Variants in ZNF831 observed in about 807,000 individuals in gnomAD.
ZNF831 encodes chromosome 20 open reading frame 174.
ZNF831 carries 59 observed loss-of-function variants against 95.8 expected under a neutral mutation model. The observed-to-expected ratio is 0.62, with a 90% CI of 0.50 to 0.77. The LOEUF (loss-of-function observed/expected upper bound fraction) is 0.77. ZNF831 is among the 30% of genes least tolerant of loss of function. The pLI is 0.00. For synonymous variants in ZNF831, 961 were observed against 925.5 expected (o/e 1.04, Z -0.70); for missense variants, 2,205 against 2,164.0 (o/e 1.02, Z -0.38).
chr20:59,132,979 C>T (rs1342923367), intron 1 of ZNF831, among the ~76,000 whole-genome samples: 7 of 151,964 alleles, frequency 4.6e-5, no homozygotes, highest in Admixed American at 1.3e-4. Context: ...GCATGACGTC[C>T]GTAGGATCAC....
In ZNF831 at chr20:59,131,340, T is replaced by G. The variant is rs149549349; in HGVS notation, c.-1425+7835T>G. The stretch of plus-strand genomic sequence containing the variant: ...ACTCCTAATAAAGGATTCCTACTAA[T>G]AGTCAGCTCCCGCACTAAAGCCAGG... On this transcript the variant is annotated intron_variant, in intron 1 of 7. Coordinates refer to the ZNF831 transcript ENST00000637017. Among the ~76,000 whole-genome samples the G allele has an allele frequency of 2.3e-4, 35 of 152,310 alleles. No homozygotes were observed. The South Asian group carries it at 4.8e-3, about 21-fold the overall frequency.
rs1289183394 is a variant in ZNF831, at chr20:59,192,391, G to A, written c.1372G>A (p.Ala458Thr). Residue 458 changes from alanine (A) to threonine (T), a missense_variant, in exon 2 of 6, where the codon GCG becomes ACG. Physicochemically the swap from Ala to Thr is moderately conservative, Grantham distance 58. Transcript: ENST00000371030. The surrounding 1 kb of genome is among the most constrained non-coding windows in gnomAD (Gnocchi z 5.2). Reference sequence around the variant, plus strand: ...GGACTCCTTCCACTTTGACATCCGCGCGCTGGAGCCAGGCCGTAGGAGGGC... The same window carrying A: ...GGACTCCTTCCACTTTGACATCCGCACGCTGGAGCCAGGCCGTAGGAGGGC... Reference protein sequence around the residue: ...YKDSFHFDIRALEPGRRRAPG... With the variant: ...YKDSFHFDIRTLEPGRRRAPG... 2 of 1,612,012 alleles carry A rather than the reference G, an allele frequency of 1.2e-6. No homozygotes were observed. Among genetic ancestry groups the A allele is most frequent in the Non-Finnish European group, 1.7e-6 (2 of 1,179,542 alleles).
chr20:59,216,985 A>C (rs947698529), intron 4 of ZNF831, among the ~76,000 whole-genome samples: 5 of 152,146 alleles, frequency 3.3e-5, no homozygotes, highest in Admixed American at 2.0e-4. Context: ...CTCCACCTAG[A>C]GGGGCAAAAA....
intron 2 of ZNF831, among the ~76,000 whole-genome samples, chr20:59,151,599 G>A (rs761608065): frequency 3.9e-5 from 6 of 152,198 alleles, no homozygotes; most frequent in Admixed American, 1.3e-4. Flanking sequence ...TCTGCAGGCC[G>A]GTCAGGTGAA....
intron 4 of ZNF831, among the ~76,000 whole-genome samples, chr20:59,216,837 G>A (rs1301147706): frequency 1.3e-5 from 2 of 151,892 alleles, no homozygotes; most frequent in African/African-American, 2.4e-5. Flanking sequence ...TCCCATTTAG[G>A]TTTTCTAAAG....
Position 59,191,752 on chromosome 20 carries a change from C to T in ZNF831, c.733C>T (p.Pro245Ser). 2 of 1,605,844 alleles carry T rather than the reference C, an allele frequency of 1.2e-6. No individual in the cohort carries two copies. The highest frequency in any genetic ancestry group is 1.7e-6 in the Non-Finnish European group (2 of 1,175,740). ...QGMHEGASER[P>S]LSPGAHVPLL... ...GATGCACGAAGGCGCCTCGGAGAGA[C>T]CCCTTTCTCCGGGTGCCCACGTGCC... Residue 245 changes from proline to serine, a missense_variant, in exon 2 of 6, where the codon CCC becomes TCC. Physicochemically the swap from Pro to Ser is moderately conservative, Grantham distance 74. Transcript: ENST00000371030.
At chr20:59,137,638 T>G (rs1442969751) in intron 1 of ZNF831, among the ~76,000 whole-genome samples, 2 of 152,248 alleles carry the variant, frequency 1.3e-5, no homozygotes, top group African/African-American at 4.8e-5. Flanking sequence ...ACCTGCAGTT[T>G]TTAACCTTTG....
rs375281860 is a variant in ZNF831, at chr20:59,192,997, C to T, written c.1978C>T (p.Leu660=). The change falls in exon 2 of 6, where the codon CTG becomes TTG. Residue 660 remains leucine (L), a synonymous_variant. Coordinates refer to ENST00000371030, the MANE Select transcript of ZNF831 (RefSeq NM_178457.3). The surrounding 1 kb of genome is among the most constrained non-coding windows in gnomAD (Gnocchi z 5.2). ...MGSGAELGFP[L]QKEAAGSSGT... ...CAGTGGGGCAGAACTGGGCTTTCCT[C>T]TGCAGAAAGAGGCAGCAGGGAGCTC... 80 of 1,578,170 alleles carry T rather than the reference C, an allele frequency of 5.1e-5. No homozygotes were observed. Among genetic ancestry groups the T allele is most frequent in the Non-Finnish European group, 6.4e-5 (75 of 1,163,808 alleles).
intron 4 of ZNF831, among the ~76,000 whole-genome samples, chr20:59,250,857 C>T (rs924859582): frequency 5.3e-5 from 8 of 151,108 alleles, no homozygotes; most frequent in African/African-American, 1.2e-4. Flanking sequence ...AACATCACAG[C>T]GAAAAGATAA....
At chr20:59,244,870 T>C (rs902447376) in intron 4 of ZNF831, among the ~76,000 whole-genome samples, 8 of 152,352 alleles carry the variant, frequency 5.3e-5, no homozygotes, top group Admixed American at 4.6e-4. Context: ...CCTTCCTTTA[T>C]TGATGGATGT....
intron 4 of ZNF831, among the ~76,000 whole-genome samples, chr20:59,224,310 G>A (rs1198543649): frequency 6.6e-6 from 1 of 152,128 alleles, no homozygotes. Context: ...CCGTGGTTTG[G>A]TAGCATCCTC....
At chr20:59,250,810 A>G (rs1987845986) in intron 4 of ZNF831, among the ~76,000 whole-genome samples, 1 of 152,192 alleles carries the variant, frequency 6.6e-6, no homozygotes, top group African/African-American at 2.4e-5. Context: ...AGTTGAGGAA[A>G]TTCCCCCAAA....
At chr20:59,158,749 T>C (rs1253045905) in intron 2 of ZNF831, among the ~76,000 whole-genome samples, 1 of 152,226 alleles carries the variant, frequency 6.6e-6, no homozygotes, top group African/African-American at 2.4e-5. Context: ...GGACTTTTTC[T>C]TTTTAATAAA....
chr20:59,201,237 T>C (rs1444376856), intron 3 of ZNF831, among the ~76,000 whole-genome samples: 2 of 152,224 alleles, frequency 1.3e-5, no homozygotes, highest in Non-Finnish European at 2.9e-5. Flanking sequence ...CAAGTGATGA[T>C]ATTCAGCATC....
intron 1 of ZNF831, among the ~76,000 whole-genome samples, chr20:59,184,053 C>A (rs1982824034): frequency 6.6e-6 from 1 of 152,180 alleles, no homozygotes; most frequent in Non-Finnish European, 1.5e-5. Flanking sequence ...CAACCCCTGG[C>A]AACCCCTGAC....
intron 4 of ZNF831, among the ~76,000 whole-genome samples, chr20:59,241,349 G>A (rs915044294): frequency 6.6e-6 from 1 of 150,786 alleles, no homozygotes; most frequent in African/African-American, 2.5e-5. Flanking sequence ...ACCATTGAGA[G>A]GCTTTTGCTG....
Position 59,191,772 on chromosome 20 carries a change from C to G in ZNF831, c.753C>G (p.His251Gln), listed in dbSNP as rs756567344. Residue 251 changes from histidine to glutamine, a missense_variant, in exon 2 of 6, where the codon CAC (histidine) becomes CAG (glutamine). Physicochemically the swap from His to Gln is conservative, Grantham distance 24. Coordinates refer to ENST00000371030, the MANE Select transcript of ZNF831 (RefSeq NM_178457.3). ...AGAGACCCCTTTCTCCGGGTGCCCA[C>G]GTGCCCCTACTTGCCAAGAACCTGG... ...ASERPLSPGA[H>Q]VPLLAKNLDV... The G allele has an allele frequency of 6.2e-7, 1 of 1,611,184 alleles. No individual in the cohort carries two copies. The highest frequency in any genetic ancestry group is 8.5e-7 in the Non-Finnish European group (1 of 1,178,832).
At chr20:59,204,707 A>G (rs1369236) in intron 3 of ZNF831, among the ~76,000 whole-genome samples, 17,053 of 152,066 alleles carry the variant, frequency 0.11, 1,122 homozygotes, top group East Asian at 0.28. Flanking sequence ...GGGGGTGACG[A>G]GTGTATCACC....
intron 3 of ZNF831, among the ~76,000 whole-genome samples, chr20:59,196,616 C>T (rs1601382763): frequency 6.6e-6 from 1 of 152,276 alleles, no homozygotes; most frequent in Middle Eastern, 3.4e-3. Flanking sequence ...TCTCTAACCC[C>T]TGCCCTCTTT....
Sources: gnomAD v4.1 joint callset for allele counts (sites outside exome capture counted in the v4.1 genomes callset) on GRCh38, gnomAD v4.1.1 for gene constraint, Gnocchi (gnomAD v3.1) non-coding constraint, MANE v1.5 for transcripts, NCBI Gene and HGNC (gene_info 2026-07-23, HGNC 2026-07-21) for gene names.